BCAR3: variants seen among roughly 807,000 people sequenced by gnomAD.
BCAR3 encodes BCAR3 adaptor protein, NSP family member.
In BCAR3, 37 loss-of-function variants were observed where a neutral mutation model predicts 80.1. The observed-to-expected ratio is 0.46, with a 90% CI of 0.36 to 0.61. The LOEUF (loss-of-function observed/expected upper bound fraction) is 0.61, where lower values mean the gene tolerates loss of function less well. Ranked by LOEUF, BCAR3 falls within the 20% of genes least tolerant of loss-of-function variation. The pLI is 0.00. For synonymous variants in BCAR3, 389 were observed against 418.9 expected (o/e 0.93, Z 0.87); for missense variants, 978 against 1,068.2 (o/e 0.92, Z 1.18).
intron 2 of BCAR3, among the ~76,000 whole-genome samples, chr1:93,656,636 C>T (rs1337024269): frequency 9.7e-5 from 14 of 144,694 alleles, no homozygotes; most frequent in African/African-American, 1.8e-4. Flanking sequence ...GAGACTATCT[C>T]ACTTGTCACC....
intron 2 of BCAR3, among the ~76,000 whole-genome samples, chr1:93,832,529 G>C (rs959311930): frequency 7.2e-5 from 11 of 152,180 alleles, no homozygotes; most frequent in Non-Finnish European, 1.5e-4. Flanking sequence ...AGCAGCTGAA[G>C]ACTGACACTG....
In BCAR3 at chr1:93,618,618, C is replaced by T. The variant is rs185977627; in HGVS notation, c.357+23686G>A. On this transcript the variant is annotated intron_variant, in intron 3 of 11. Transcript: ENST00000260502. ...CCATTCACCTCTCTACCACTACCAC[C>T]TAGTTCCTGGTGTCACCCCAGAAAT... Among the ~76,000 whole-genome samples, 239 of 152,354 alleles carry T rather than the reference C, an allele frequency of 1.6e-3. 1 individual carries two copies. The highest frequency in any genetic ancestry group is 4.9e-3 in the African/African-American group (205 of 41,592).
intron 8 of BCAR3, 63 bp downstream of exon 8, chr1:93,575,951 C>G: frequency 1.4e-6 from 2 of 1,458,858 alleles, no homozygotes; most frequent in Non-Finnish European, 1.9e-6. Flanking sequence ...GTTCTAAAAC[C>G]TGCTGCTCTG....
chr1:93,711,095 A>C (rs1480042513), intron 2 of BCAR3, among the ~76,000 whole-genome samples: 1 of 152,240 alleles, frequency 6.6e-6, no homozygotes, highest in Non-Finnish European at 1.5e-5. Context: ...AGAAAGAGAG[A>C]GAGAAGGCAC....
chr1:93,682,849 G>C (rs972170925), upstream of BCAR3, among the ~76,000 whole-genome samples: 1 of 152,030 alleles, frequency 6.6e-6, no homozygotes, highest in Non-Finnish European at 1.5e-5. Flanking sequence ...CACCGCGCCC[G>C]GCCTCCAGAT....
At chr1:93,643,267 C>T (rs112656551) in intron 2 of BCAR3, among the ~76,000 whole-genome samples, 180 of 149,288 alleles carry the variant, frequency 1.2e-3, no homozygotes, top group African/African-American at 4.0e-3. Flanking sequence ...CTCATGCTTG[C>T]AATCCCAGCA....
intron 3 of BCAR3, among the ~76,000 whole-genome samples, chr1:93,689,939 C>G (rs978833452): frequency 6.6e-6 from 1 of 152,158 alleles, no homozygotes; most frequent in African/African-American, 2.4e-5. Context: ...GCAAAGTCAG[C>G]CTTCCAGGGG....
chr1:93,623,704 G>T (rs1463594498), intron 3 of BCAR3, among the ~76,000 whole-genome samples: 2 of 152,120 alleles, frequency 1.3e-5, no homozygotes, highest in African/African-American at 2.4e-5. Flanking sequence ...CTTCCCAGAG[G>T]TAAGTTTCCT....
chr1:93,811,027 G>C (rs886946688), intron 2 of BCAR3, among the ~76,000 whole-genome samples: 1 of 152,082 alleles, frequency 6.6e-6, no homozygotes, highest in African/African-American at 2.4e-5. Context: ...TGGGTTACAG[G>C]TAACAGAATC....
intron 3 of BCAR3, chr1:93,614,019 C>A: frequency 6.6e-7 from 1 of 1,512,578 alleles, no homozygotes; most frequent in Non-Finnish European, 8.9e-7. Flanking sequence ...CCCACCACAG[C>A]AGCTGTGCTG....
intron 3 of BCAR3, among the ~76,000 whole-genome samples, chr1:93,640,456 CAT>C (rs1203207453): frequency 6.6e-6 from 1 of 152,088 alleles, no homozygotes; most frequent in Admixed American, 6.5e-5. Context: ...GATACAGACA[CAT>C]GATTTATAAG....
At chr1:93,733,783 T>A (rs1650883092) in intron 2 of BCAR3, among the ~76,000 whole-genome samples, 1 of 152,220 alleles carries the variant, frequency 6.6e-6, no homozygotes, top group South Asian at 2.1e-4. Context: ...CTTCTCCAGA[T>A]CCTCTCATTT....
intron 3 of BCAR3, among the ~76,000 whole-genome samples, chr1:93,600,410 A>G (rs1674584105): frequency 6.6e-6 from 1 of 152,216 alleles, no homozygotes; most frequent in Non-Finnish European, 1.5e-5. Context: ...CAGAGGCATG[A>G]CTGGCAGGGG....
chr1:93,664,914 C>T (rs1157199365), intron 2 of BCAR3, among the ~76,000 whole-genome samples: 1 of 152,154 alleles, frequency 6.6e-6, no homozygotes, highest in Non-Finnish European at 1.5e-5. Context: ...CCAATCCCAC[C>T]AGTCCCATCT....
At chr1:93,716,838 G>C (rs1650207248) in intron 2 of BCAR3, among the ~76,000 whole-genome samples, 1 of 152,224 alleles carries the variant, frequency 6.6e-6, no homozygotes, top group African/African-American at 2.4e-5. Flanking sequence ...TGATCTTCTA[G>C]TCTGCTTTAT....
At chr1:93,600,371 C>T (rs1203020310) in intron 3 of BCAR3, among the ~76,000 whole-genome samples, 4 of 152,186 alleles carry the variant, frequency 2.6e-5, no homozygotes, top group African/African-American at 4.8e-5. Context: ...AAACAGGAAG[C>T]GTCCCTGTGG....
intron 7 of BCAR3, among the ~76,000 whole-genome samples, chr1:93,579,496 G>A (rs893503488): frequency 2.6e-5 from 4 of 152,148 alleles, no homozygotes; most frequent in Admixed American, 6.5e-5. Context: ...AGGGGTGCCT[G>A]CAGGCAGACA....
At chr1:93,706,507 C>A (rs998232318) in intron 2 of BCAR3, among the ~76,000 whole-genome samples, 2 of 152,104 alleles carry the variant, frequency 1.3e-5, no homozygotes, top group African/African-American at 4.8e-5. Context: ...AAGCAGAGGA[C>A]TGTGATTACA....
intron 3 of BCAR3, among the ~76,000 whole-genome samples, chr1:93,632,705 C>A (rs141647165): frequency 1.7e-3 from 256 of 152,186 alleles, no homozygotes; most frequent in African/African-American, 5.9e-3. Flanking sequence ...ACTATGGATG[C>A]ACATAAAAAC....
Sources: allele counts gnomAD v4.1 joint callset (sites outside exome capture counted in the v4.1 genomes callset), GRCh38; gene constraint gnomAD v4.1.1; transcripts MANE v1.5; gene names NCBI Gene and HGNC (gene_info 2026-07-23, HGNC 2026-07-21).